Variants in LYPD6B observed in about 807,000 individuals in gnomAD.
The protein encoded by LYPD6B is ly6/PLAUR domain-containing protein 6B.
LYPD6B carries 17 observed loss-of-function variants against 22.8 expected under a neutral mutation model. The observed-to-expected ratio is 0.75, with a 90% CI of 0.51 to 1.12. The LOEUF (loss-of-function observed/expected upper bound fraction) is 1.12. Among genes scored for constraint, LYPD6B ranks in the 50% most tolerant of loss-of-function variants. The probability of loss-of-function intolerance (pLI) is 0.00; values close to 1 mark genes in which losing one functional copy is unlikely to be tolerated. For synonymous variants in LYPD6B, 106 were observed against 91.6 expected, an observed-to-expected ratio of 1.16 and a Z score of -0.90; for missense variants, 221 against 258.3, an observed-to-expected ratio of 0.86 and a Z score of 0.99.
chr2:149,145,732 G>A (rs1322826859), intron 2 of LYPD6B, among the ~76,000 whole-genome samples: 1 of 152,176 alleles, frequency 6.6e-6, no homozygotes, highest in Non-Finnish European at 1.5e-5. Context: ...ACCCCTCAGA[G>A]ACTTCTCAGG....
intron 3 of LYPD6B, among the ~76,000 whole-genome samples, chr2:149,178,628 G>T (rs536727466): frequency 1.6e-4 from 24 of 152,270 alleles, no homozygotes; most frequent in Non-Finnish European, 2.8e-4. Flanking sequence ...TTTGTTTTCC[G>T]TTAAACTTGA....
chr2:149,169,985 T>G (rs1481783348), intron 3 of LYPD6B, among the ~76,000 whole-genome samples: 4 of 152,182 alleles, frequency 2.6e-5, no homozygotes, highest in African/African-American at 9.6e-5. Context: ...GGTTTCTGTT[T>G]AGTAATATGA....
chr2:149,074,992 C>T (rs1684815263), intron 1 of LYPD6B, among the ~76,000 whole-genome samples: 1 of 152,144 alleles, frequency 6.6e-6, no homozygotes, highest in Non-Finnish European at 1.5e-5. Flanking sequence ...ATAGTGTGCT[C>T]AGTCAGTGTT....
At chr2:149,206,391 T>C (rs1376333779) in intron 4 of LYPD6B, among the ~76,000 whole-genome samples, 2 of 152,226 alleles carry the variant, frequency 1.3e-5, no homozygotes, top group Admixed American at 1.3e-4. Flanking sequence ...TGTGCATATA[T>C]ACACATGTAT....
At chr2:149,080,868 C>A (rs10198182) in intron 1 of LYPD6B, among the ~76,000 whole-genome samples, 3,202 of 98,064 alleles carry the variant, frequency 0.033, 344 homozygotes, top group African/African-American at 0.14. Context: ...AAAAAAAAAA[C>A]CACACAAAAA....
intron 3 of LYPD6B, among the ~76,000 whole-genome samples, chr2:149,178,307 T>A (rs901053411): frequency 1.3e-5 from 2 of 152,216 alleles, no homozygotes; most frequent in Non-Finnish European, 2.9e-5. Flanking sequence ...AGGGCTTTCA[T>A]ATTTAGTTTT....
At chr2:149,212,969 G>C in intron 5 of LYPD6B, 23 bp from the exon 6 acceptor site, 1 of 1,607,172 alleles carries the variant, frequency 6.2e-7, no homozygotes, top group East Asian at 2.2e-5. Context: ...TCTTGGTTTT[G>C]TTTTTTGTTT....
intron 3 of LYPD6B, among the ~76,000 whole-genome samples, chr2:149,181,250 A>T (rs898640375): frequency 6.6e-6 from 1 of 152,128 alleles, no homozygotes; most frequent in Non-Finnish European, 1.5e-5. Flanking sequence ...AAATGCAGGT[A>T]ATTTTACCTT....
chr2:149,208,347 C>T lies in LYPD6B; in HGVS notation c.263C>T (p.Thr88Ile). The change falls in exon 5 of 7, where the codon ACT (threonine) becomes ATT (isoleucine). Residue 88 changes from threonine (T) to isoleucine (I), a missense_variant. Thr to Ile is a moderately conservative substitution (Grantham distance 89, BLOSUM62 -1). Coordinates refer to ENST00000409642, the MANE Select transcript of LYPD6B (RefSeq NM_177964.5). The stretch of plus-strand genomic sequence containing the variant: ...TTTCCAAATAGCTTCAAGTGCTTTA[C>T]TTGTGAAAACGCAGGGGATAATTAT... ...TPFPNSFKCF[T>I]CENAGDNYNC... 1.2e-6 allele frequency: 2 copies of T among 1,613,682 alleles called. No individual in the cohort carries two copies. Among genetic ancestry groups the T allele is most frequent in the Non-Finnish European group, 1.7e-6 (2 of 1,179,700 alleles).
chr2:149,063,458 TG>T (rs756839474), intron 1 of LYPD6B, among the ~76,000 whole-genome samples: 8 of 152,230 alleles, frequency 5.3e-5, no homozygotes, highest in Non-Finnish European at 1.2e-4. Context: ...AGCTGATTGA[TG>T]CTCCACTGAG....
rs200555292 is a variant in LYPD6B at position 149,205,404 on chromosome 2, C to G, written c.229C>G (p.Pro77Ala). ...NFYNVRPPLD[P>A]TPFPNSFKCF... ...CTATAATGTGAGGCCTCCTCTCGACCGTAAGTAGTGGTGGTTGCCATCCTA... is the reference window on the plus strand; with the variant it reads ...CTATAATGTGAGGCCTCCTCTCGACGGTAAGTAGTGGTGGTTGCCATCCTA... The change falls in exon 4 of 7, where the codon CCT (proline) becomes GCT (alanine). Residue 77 changes from proline to alanine, a missense_variant and splice_region_variant. Transcript: ENST00000409642. The G allele has an allele frequency of 6.2e-7, 1 of 1,613,252 alleles. No homozygotes were observed. Among genetic ancestry groups the G allele is most frequent in the South Asian group, 1.1e-5 (1 of 90,952 alleles).
intron 1 of LYPD6B, among the ~76,000 whole-genome samples, chr2:149,043,912 A>G (rs1369052863): frequency 6.6e-6 from 1 of 152,108 alleles, no homozygotes; most frequent in African/African-American, 2.4e-5. Flanking sequence ...GAATTGTCTT[A>G]GAGCTTTTGT....
chr2:149,049,150 C>CAGTG (rs1265990072), intron 1 of LYPD6B, among the ~76,000 whole-genome samples: 1 of 152,158 alleles, frequency 6.6e-6, no homozygotes, highest in Non-Finnish European at 1.5e-5. Context: ...AATGTGCCTT[C>CAGTG]AGTGGTACAC....
At chr2:149,188,733 T>C (rs1454255351) in intron 3 of LYPD6B, 9 of 962,464 alleles carry the variant, frequency 9.4e-6, no homozygotes, top group African/African-American at 1.8e-5. Context: ...TCCAGAGAGG[T>C]AGTTTTAAAC....
intron 1 of LYPD6B, among the ~76,000 whole-genome samples, chr2:149,050,789 C>A (rs1683514734): frequency 6.6e-6 from 1 of 152,112 alleles, no homozygotes; most frequent in Admixed American, 6.5e-5. Context: ...GCCTTGGCAC[C>A]CAGGAAGCCC....
At chr2:149,115,759 T>C (rs1686974900) in intron 1 of LYPD6B, among the ~76,000 whole-genome samples, 1 of 152,146 alleles carries the variant, frequency 6.6e-6, no homozygotes, top group Admixed American at 6.5e-5. Context: ...AATATATCAG[T>C]CTCCTCTTAT....
At chr2:149,041,265 T>C (rs1683074317) in intron 1 of LYPD6B, among the ~76,000 whole-genome samples, 1 of 152,206 alleles carries the variant, frequency 6.6e-6, no homozygotes, top group Admixed American at 6.5e-5. Context: ...GCCACAGCTC[T>C]TTGGTGGCTT....
Position 149,165,342 on chromosome 2 carries a change from G to A in LYPD6B, c.77+4507G>A, listed in dbSNP as rs547295327. On this transcript the variant is annotated intron_variant, in intron 3 of 6. Transcript: ENST00000409642. ...ACTCCACCTCTAACTTGGAGTAGCT[G>A]CAAAGAATGCATGGCCATTTTAAAT... Among the ~76,000 whole-genome samples the A allele has an allele frequency of 6.6e-5, 10 of 152,314 alleles. No individual in the cohort carries two copies. The East Asian group carries it at 1.9e-3, about 29-fold the overall frequency.
intron 3 of LYPD6B, among the ~76,000 whole-genome samples, chr2:149,186,378 C>T (rs556064191): frequency 6.6e-6 from 1 of 152,322 alleles, no homozygotes; most frequent in East Asian, 1.9e-4. Context: ...GAGCAAGGCC[C>T]TAGCTCTCTT....
Sources: gnomAD v4.1 joint callset for allele counts (sites outside exome capture counted in the v4.1 genomes callset) on GRCh38, gnomAD v4.1.1 for gene constraint, MANE v1.5 for transcripts, NCBI Gene and HGNC (gene_info 2026-07-23, HGNC 2026-07-21) for gene names.